CLEC4A: variants seen among roughly 807,000 people sequenced by gnomAD.
CLEC4A encodes the protein C-type (calcium dependent, carbohydrate-recognition domain) lectin, superfamily member 6.
A neutral mutation model predicts 32.7 loss-of-function variants in CLEC4A; 27 were observed. The ratio of observed to expected loss-of-function variants is 0.83; its 90% confidence interval spans 0.61 to 1.14. The LOEUF is 1.14. CLEC4A is among the 50% of genes most tolerant of loss of function. The probability of loss-of-function intolerance (pLI) is 0.00; values close to 1 mark genes in which losing one functional copy is unlikely to be tolerated. For synonymous variants in CLEC4A, 89 were observed against 93.7 expected, an observed-to-expected ratio of 0.95 and a Z score of 0.29; for missense variants, 253 against 274.6, an observed-to-expected ratio of 0.92 and a Z score of 0.55.
chr12:8,128,312 C>T (rs2377422), intron 2 of CLEC4A, among the ~76,000 whole-genome samples: 91,435 of 151,786 alleles, frequency 0.6, 28,626 homozygotes, highest in Non-Finnish European at 0.71. Flanking sequence ...TGAGGATCCA[C>T]TTTAGGGATG....
chr12:8,124,498 CTT>C (rs1444762068), intron 1 of CLEC4A, among the ~76,000 whole-genome samples: 2 of 152,176 alleles, frequency 1.3e-5, no homozygotes, highest in African/African-American at 4.8e-5. Context: ...CTCCAGGAAA[CTT>C]TTTCTGAAAT....
the CLEC4A span, among the ~76,000 whole-genome samples, chr12:8,108,558 A>G: frequency 1.3e-5 from 2 of 152,212 alleles, no homozygotes; most frequent in African/African-American, 4.8e-5. Context: ...AAAGGAAGGA[A>G]AGAGGGAGAA....
At chr12:8,124,733 C>T (rs1441877365) in intron 1 of CLEC4A, among the ~76,000 whole-genome samples, 1 of 152,072 alleles carries the variant, frequency 6.6e-6, no homozygotes, top group Non-Finnish European at 1.5e-5. Context: ...GAAATTTTTT[C>T]TCCTTAAAAA....
the CLEC4A span, among the ~76,000 whole-genome samples, chr12:8,113,364 C>T: frequency 3.9e-5 from 6 of 151,918 alleles, no homozygotes; most frequent in East Asian, 9.6e-4. Context: ...TCCAGTCTGT[C>T]GTTGTTGGTC....
At chr12:8,107,762 G>A in the CLEC4A span, among the ~76,000 whole-genome samples, 2 of 148,588 alleles carry the variant, frequency 1.3e-5, no homozygotes, top group African/African-American at 4.9e-5. Context: ...TATTTATATC[G>A]ATCTTCTGCT....
chr12:8,115,511 A>G, the CLEC4A span, among the ~76,000 whole-genome samples: 1 of 152,172 alleles, frequency 6.6e-6, no homozygotes, highest in Non-Finnish European at 1.5e-5. Context: ...CATCTAGGGT[A>G]CTGTATTGTC....
At chr12:8,126,106 T>G (rs1947896644) in intron 2 of CLEC4A, among the ~76,000 whole-genome samples, 1 of 152,254 alleles carries the variant, frequency 6.6e-6, no homozygotes, top group African/African-American at 2.4e-5. Flanking sequence ...GGAAGAGTTC[T>G]CCACTGGCTT....
At chr12:8,136,425 C>T (rs1948116632) in intron 4 of CLEC4A, among the ~76,000 whole-genome samples, 1 of 152,030 alleles carries the variant, frequency 6.6e-6, no homozygotes, top group African/African-American at 2.4e-5. Context: ...ATTAGCCAGG[C>T]ATGGTGGCAC....
the CLEC4A span, among the ~76,000 whole-genome samples, chr12:8,106,243 C>G: frequency 6.6e-6 from 1 of 152,124 alleles, no homozygotes; most frequent in Non-Finnish European, 1.5e-5. Flanking sequence ...TTACATTGGT[C>G]TATGTGTCTG....
At chr12:8,108,098 A>G in the CLEC4A span, among the ~76,000 whole-genome samples, 1 of 152,106 alleles carries the variant, frequency 6.6e-6, no homozygotes, top group Non-Finnish European at 1.5e-5. Context: ...ATTTCTCATT[A>G]GTTTCAAAGA....
the CLEC4A span, among the ~76,000 whole-genome samples, chr12:8,106,173 A>G: frequency 4.0e-5 from 6 of 151,786 alleles, no homozygotes; most frequent in Non-Finnish European, 7.4e-5. Flanking sequence ...GTTTTTGTCA[A>G]CTTTGTCAAA....
At chr12:8,120,790 G>C (rs1472489683), upstream of CLEC4A, 1 of 152,138 alleles carries the variant, frequency 6.6e-6, no homozygotes, top group East Asian at 1.9e-4. Context: ...AAGGGATAAG[G>C]GGATAGATTC....
upstream of CLEC4A, chr12:8,121,098 A>G (rs1171698295): frequency 6.6e-6 from 1 of 152,234 alleles, no homozygotes; most frequent in African/African-American, 2.4e-5. Flanking sequence ...CCCTAAGCAC[A>G]AGTGTAATGT....
intron 3 of CLEC4A, chr12:8,134,436 A>G: frequency 6.2e-7 from 1 of 1,613,900 alleles, no homozygotes; most frequent in Admixed American, 1.7e-5. Flanking sequence ...CAGAGCTTTG[A>G]TGTCCTGGGA....
chr12:8,106,783 C>A, the CLEC4A span, among the ~76,000 whole-genome samples: 2 of 152,246 alleles, frequency 1.3e-5, no homozygotes, highest in South Asian at 4.1e-4. Context: ...TGGGCAGAGA[C>A]TGTGGGTTTT....
chr12:8,125,433 G>C, intron 1 of CLEC4A, 128 bp from the exon 2 acceptor site: 1 of 611,398 alleles, frequency 1.6e-6, no homozygotes. Context: ...CTATTCTCAT[G>C]TGATTTCAAA....
At chr12:8,112,105 A>T in the CLEC4A span, among the ~76,000 whole-genome samples, 1 of 151,942 alleles carries the variant, frequency 6.6e-6, no homozygotes, top group African/African-American at 2.4e-5. Flanking sequence ...AGTAGCTGGG[A>T]TTACAGGCAT....
chr12:8,104,753 G>A, the CLEC4A span, among the ~76,000 whole-genome samples: 1 of 152,080 alleles, frequency 6.6e-6, no homozygotes, highest in East Asian at 1.9e-4. Flanking sequence ...GGGACCCAAT[G>A]TCTGTTGTTC....
chr12:8,137,554 T>C (rs183190317), intron 5 of CLEC4A, among the ~76,000 whole-genome samples: 11 of 152,334 alleles, frequency 7.2e-5, no homozygotes, highest in Non-Finnish European at 1.3e-4. Context: ...TTACATATAT[T>C]ACATAAATTA....
Sources: allele counts gnomAD v4.1 joint callset (sites outside exome capture counted in the v4.1 genomes callset), GRCh38; gene constraint gnomAD v4.1.1; transcripts MANE v1.5; gene names NCBI Gene and HGNC (gene_info 2026-07-23, HGNC 2026-07-21).